The following SNTG1 variants were observed in gnomAD, a reference collection of about 807,000 sequenced individuals.
The protein encoded by SNTG1 is gamma-1-syntrophin.
A neutral mutation model predicts 74.7 loss-of-function variants in SNTG1; 39 were observed. The ratio of observed to expected loss-of-function variants is 0.52; its 90% CI spans 0.40 to 0.68. The LOEUF (loss-of-function observed/expected upper bound fraction) is 0.68, where lower values mean the gene tolerates loss of function less well. Ranked by LOEUF, SNTG1 falls within the 30% of genes least tolerant of loss-of-function variation. The pLI, the probability that SNTG1 is intolerant of heterozygous loss-of-function variation, is 0.00. For missense variants in SNTG1, 685 were observed against 609.5 expected, an observed-to-expected ratio of 1.12 and a Z score of -1.30; for synonymous variants, 254 against 217.1, an observed-to-expected ratio of 1.17 and a Z score of -1.49.
intron 2 of SNTG1, among the ~76,000 whole-genome samples, chr8:50,183,662 C>T (rs866623024): frequency 1.3e-5 from 2 of 152,128 alleles, no homozygotes; most frequent in African/African-American, 4.8e-5. Context: ...CATAATTAAA[C>T]TAAATTTCTA....
At chr8:50,107,619 T>C (rs1183898037) in intron 1 of SNTG1, among the ~76,000 whole-genome samples, 1 of 152,028 alleles carries the variant, frequency 6.6e-6, no homozygotes. Context: ...GGCATGATCT[T>C]GGCTCACTGA....
At chr8:50,088,758 A>T (rs1201056168) in intron 1 of SNTG1, among the ~76,000 whole-genome samples, 8 of 148,638 alleles carry the variant, frequency 5.4e-5, no homozygotes, top group East Asian at 2.0e-4. Context: ...ATAACAGAGG[A>T]TACAAACAAA....
intron 2 of SNTG1, among the ~76,000 whole-genome samples, chr8:50,290,407 G>A (rs763735155): frequency 6.6e-5 from 10 of 152,216 alleles, no homozygotes; most frequent in East Asian, 1.9e-4. Flanking sequence ...CTCAAGAATC[G>A]TAGGGTGAAT....
chr8:50,102,782 A>G (rs2080193278), intron 1 of SNTG1, among the ~76,000 whole-genome samples: 1 of 150,890 alleles, frequency 6.6e-6, no homozygotes, highest in African/African-American at 2.4e-5. Context: ...ACATATGGCT[A>G]GCCAGTTTTC....
intron 2 of SNTG1, among the ~76,000 whole-genome samples, chr8:50,331,937 C>T (rs1487228612): frequency 6.6e-6 from 1 of 152,078 alleles, no homozygotes; most frequent in Admixed American, 6.5e-5. Flanking sequence ...GTCAGTCATG[C>T]CTGAGCTAAG....
intron 2 of SNTG1, among the ~76,000 whole-genome samples, chr8:50,258,948 G>A (rs984081904): frequency 6.6e-5 from 10 of 151,978 alleles, no homozygotes; most frequent in Admixed American, 1.3e-4. Flanking sequence ...ACACCAAAAA[G>A]TTCAACAAGG....
intron 4 of SNTG1, among the ~76,000 whole-genome samples, chr8:50,408,132 C>T (rs2092903108): frequency 6.6e-6 from 1 of 152,146 alleles, no homozygotes; most frequent in African/African-American, 2.4e-5. Flanking sequence ...ATGCCTATGT[C>T]TTAGCAGAAA....
chr8:50,719,537 CTAACATGCTCT>C (rs1248863134), intron 17 of SNTG1, among the ~76,000 whole-genome samples: 5 of 152,252 alleles, frequency 3.3e-5, no homozygotes, highest in Middle Eastern at 3.4e-3. Flanking sequence ...GAGGAACAGC[CTAACATGCTCT>C]TAGAATCCAA....
At chr8:49,937,304 T>A (rs1047997841) in intron 1 of SNTG1, among the ~76,000 whole-genome samples, 7 of 152,142 alleles carry the variant, frequency 4.6e-5, no homozygotes, top group Non-Finnish European at 7.4e-5. Context: ...AGGAGCTGCC[T>A]GGGACAGGAA....
intron 1 of SNTG1, among the ~76,000 whole-genome samples, chr8:49,970,853 C>A (rs532813363): frequency 6.6e-6 from 1 of 152,292 alleles, no homozygotes. Context: ...TAATCTGGGA[C>A]ACCAGTGGTG....
chr8:50,376,862 T>G (rs2092397719), intron 2 of SNTG1, among the ~76,000 whole-genome samples: 1 of 151,382 alleles, frequency 6.6e-6, no homozygotes, highest in African/African-American at 2.4e-5. Flanking sequence ...CTTTTGTCAG[T>G]TACACACTTT....
chr8:50,387,335 G>A (rs2092591023), intron 2 of SNTG1, among the ~76,000 whole-genome samples: 1 of 152,172 alleles, frequency 6.6e-6, no homozygotes, highest in South Asian at 2.1e-4. Flanking sequence ...CTTCCTCAGA[G>A]TCAAGTCGAA....
At chr8:50,286,613 G>A (rs970602030) in intron 2 of SNTG1, 1 of 152,186 alleles carries the variant, frequency 6.6e-6, no homozygotes, top group Admixed American at 6.5e-5. Context: ...CCTAAGCTGA[G>A]CCGGGTTGTC....
intron 13 of SNTG1, among the ~76,000 whole-genome samples, chr8:50,612,092 T>A (rs1352184751): frequency 1.3e-5 from 2 of 152,148 alleles, no homozygotes; most frequent in Non-Finnish European, 2.9e-5. Context: ...AACAAAAAAA[T>A]CTGAAGCACA....
intron 15 of SNTG1, among the ~76,000 whole-genome samples, chr8:50,702,434 T>C (rs2095429392): frequency 6.6e-6 from 1 of 152,174 alleles, no homozygotes; most frequent in African/African-American, 2.4e-5. Flanking sequence ...ACCCTGGAAG[T>C]AAATGCCTTC....
At chr8:50,580,743 G>T (rs926824936) in intron 12 of SNTG1, among the ~76,000 whole-genome samples, 1 of 152,032 alleles carries the variant, frequency 6.6e-6, no homozygotes, top group Non-Finnish European at 1.5e-5. Flanking sequence ...GCCTCCCCAG[G>T]CATGCTTAAC....
At chr8:50,372,994 A>G (rs1548073) in intron 2 of SNTG1, among the ~76,000 whole-genome samples, 23,744 of 152,222 alleles carry the variant, frequency 0.16, 2,295 homozygotes, top group Middle Eastern at 0.25. Context: ...CTGTCCAAGC[A>G]GTATAACTAT....
intron 8 of SNTG1, among the ~76,000 whole-genome samples, chr8:50,464,191 T>C (rs547694789): frequency 6.6e-6 from 1 of 152,298 alleles, no homozygotes; most frequent in South Asian, 2.1e-4. Flanking sequence ...GTATCAGCAA[T>C]AAGCTTGTCT....
At chr8:50,062,377 ATT>A (rs1311601900) in intron 1 of SNTG1, among the ~76,000 whole-genome samples, 4 of 151,646 alleles carry the variant, frequency 2.6e-5, no homozygotes, top group Admixed American at 2.6e-4. Context: ...CCAATTATGG[ATT>A]TGTCTATTTT....
Sources: allele counts gnomAD v4.1 joint callset (sites outside exome capture counted in the v4.1 genomes callset), GRCh38; gene constraint gnomAD v4.1.1; transcripts MANE v1.5; gene names NCBI Gene and HGNC (gene_info 2026-07-23, HGNC 2026-07-21).